Variants in LHFPL3 observed in about 807,000 individuals in gnomAD.
LHFPL3 encodes the protein LHFPL tetraspan subfamily member 3 protein.
LHFPL3 carries 5 observed loss-of-function variants against 19.3 expected under a neutral mutation model. The observed-to-expected ratio is 0.26, with a 90% confidence interval of 0.14 to 0.54. The LOEUF is 0.54. LHFPL3 is among the 20% of genes least tolerant of loss of function. The pLI is 0.94. For missense variants in LHFPL3, 249 were observed against 307.4 expected (o/e 0.81, Z 1.42); for synonymous variants, 133 against 126.2 (o/e 1.05, Z -0.36).
intron 2 of LHFPL3, among the ~76,000 whole-genome samples, chr7:104,810,271 C>T (rs1387448125): frequency 2.0e-5 from 3 of 152,102 alleles, no homozygotes; most frequent in Non-Finnish European, 2.9e-5. Context: ...AATGAGAAGC[C>T]ATTGCAGGGA....
At chr7:104,590,063 C>G (rs897407854) in intron 1 of LHFPL3, among the ~76,000 whole-genome samples, 1 of 152,114 alleles carries the variant, frequency 6.6e-6, no homozygotes, top group African/African-American at 2.4e-5. Flanking sequence ...AAAAAACCAC[C>G]TCCTGGATTC....
chr7:104,687,254 T>C (rs556573982), intron 1 of LHFPL3, among the ~76,000 whole-genome samples: 11 of 152,352 alleles, frequency 7.2e-5, no homozygotes, highest in African/African-American at 2.4e-4. Context: ...AAGAGATGCA[T>C]AGGGCAAGGT....
chr7:104,600,576 A>G (rs538612005), intron 1 of LHFPL3, among the ~76,000 whole-genome samples: 7 of 152,340 alleles, frequency 4.6e-5, no homozygotes, highest in Non-Finnish European at 1.0e-4. Flanking sequence ...CCAAACTATT[A>G]TCTCATCTTA....
At chr7:104,398,444 T>A (rs929835761) in intron 1 of LHFPL3, among the ~76,000 whole-genome samples, 8 of 152,336 alleles carry the variant, frequency 5.3e-5, no homozygotes, top group African/African-American at 1.9e-4. Context: ...ATGTTGTTTG[T>A]GGATTGCCTT....
intron 1 of LHFPL3, among the ~76,000 whole-genome samples, chr7:104,421,543 T>C (rs962071449): frequency 6.6e-6 from 1 of 152,144 alleles, no homozygotes; most frequent in African/African-American, 2.4e-5. Flanking sequence ...TCCTGCAGCA[T>C]CTTGAACTGG....
At chr7:104,394,194 T>A (rs528071096) in intron 1 of LHFPL3, among the ~76,000 whole-genome samples, 85 of 152,358 alleles carry the variant, frequency 5.6e-4, no homozygotes, top group Non-Finnish European at 1.1e-3. Context: ...TTGACTTTAC[T>A]GTACATCAGA....
chr7:104,392,825 C>T (rs117387624), intron 1 of LHFPL3, among the ~76,000 whole-genome samples: 11,004 of 152,070 alleles, frequency 0.072, 447 homozygotes, highest in East Asian at 0.16. Context: ...CTGGACTTTT[C>T]TTTGGTTGGT....
intron 1 of LHFPL3, among the ~76,000 whole-genome samples, chr7:104,719,652 G>C (rs182262760): frequency 2.6e-5 from 4 of 152,280 alleles, no homozygotes; most frequent in Admixed American, 1.3e-4. Flanking sequence ...TTTATTAGTA[G>C]TTCTTGTACT....
intron 1 of LHFPL3, among the ~76,000 whole-genome samples, chr7:104,490,351 C>A (rs1002877967): frequency 1.3e-5 from 2 of 152,148 alleles, no homozygotes; most frequent in Non-Finnish European, 2.9e-5. Flanking sequence ...CCCAAATCAT[C>A]TTCAGTAAAG....
At chr7:104,747,033 G>A (rs1427936400) in intron 2 of LHFPL3, among the ~76,000 whole-genome samples, 1 of 152,148 alleles carries the variant, frequency 6.6e-6, no homozygotes, top group African/African-American at 2.4e-5. Context: ...TTAAATATAA[G>A]GGTGATCATA....
rs188152348 is a variant in LHFPL3, at chr7:104,420,686, C to T, written c.445+91462C>T. Among the ~76,000 whole-genome samples the T allele has an allele frequency of 1.1e-3, 170 of 151,114 alleles. 1 individual carries two copies. Among genetic ancestry groups the T allele is most frequent in the East Asian group, 3.9e-3 (20 of 5,096 alleles). On this transcript the variant is annotated intron_variant, in intron 1 of 2. Coordinates refer to ENST00000424859, the MANE Select transcript of LHFPL3 (RefSeq NM_199000.3). ...GCCATTCTCCTGCCTCAGCCTCCTG[C>T]GTAGCTGGGACTACAGGCGCCCGCC...
At chr7:104,680,983 A>G (rs956514454) in intron 1 of LHFPL3, among the ~76,000 whole-genome samples, 7 of 152,298 alleles carry the variant, frequency 4.6e-5, no homozygotes, top group African/African-American at 1.7e-4. Flanking sequence ...TAAATTTATA[A>G]AATATTCCTA....
chr7:104,889,730 G>A (rs1792210712), intron 2 of LHFPL3, among the ~76,000 whole-genome samples: 1 of 152,118 alleles, frequency 6.6e-6, no homozygotes, highest in Non-Finnish European at 1.5e-5. Context: ...TATGAACAAA[G>A]TTTAACAGGA....
chr7:104,441,469 C>A (rs1792222029), intron 1 of LHFPL3, among the ~76,000 whole-genome samples: 1 of 152,108 alleles, frequency 6.6e-6, no homozygotes, highest in Non-Finnish European at 1.5e-5. Flanking sequence ...TTTCTTTATC[C>A]ATTATCCATT....
At chr7:104,556,093 G>T (rs1028993859) in intron 1 of LHFPL3, among the ~76,000 whole-genome samples, 1 of 152,222 alleles carries the variant, frequency 6.6e-6, no homozygotes, top group Non-Finnish European at 1.5e-5. Context: ...GCTTCTAGCT[G>T]CTTTCATGGG....
intron 1 of LHFPL3, among the ~76,000 whole-genome samples, chr7:104,645,736 C>G (rs1791921839): frequency 7.2e-6 from 1 of 138,978 alleles, no homozygotes; most frequent in South Asian, 2.4e-4. Context: ...TCTTGGCTCA[C>G]TGCAAGCTCC....
At chr7:104,347,902 A>AAC (rs60294057) in intron 1 of LHFPL3, among the ~76,000 whole-genome samples, 1 of 150,608 alleles carries the variant, frequency 6.6e-6, no homozygotes, top group East Asian at 2.0e-4. Context: ...AAAAAAAAAA[A>AAC]CAAAATAAAA....
intron 1 of LHFPL3, among the ~76,000 whole-genome samples, chr7:104,352,406 A>G (rs371640656): frequency 2.6e-4 from 40 of 152,200 alleles, no homozygotes; most frequent in African/African-American, 9.1e-4. Context: ...AATATTAGCT[A>G]TTTTCATTAT....
intron 2 of LHFPL3, among the ~76,000 whole-genome samples, chr7:104,758,361 T>A (rs1794320889): frequency 6.6e-6 from 1 of 152,034 alleles, no homozygotes; most frequent in African/African-American, 2.4e-5. Flanking sequence ...AAATAAAAGT[T>A]GCAATTATTA....
Sources: gnomAD v4.1 joint callset for allele counts (sites outside exome capture counted in the v4.1 genomes callset) on GRCh38, gnomAD v4.1.1 for gene constraint, MANE v1.5 for transcripts, NCBI Gene and HGNC (gene_info 2026-07-23, HGNC 2026-07-21) for gene names.